The following PROSER2 variants were observed in gnomAD, a reference collection of about 807,000 sequenced individuals.
PROSER2 encodes proline and serine rich 2, also known as proline and serine-rich protein 2.
A neutral mutation model predicts 14.6 loss-of-function variants in PROSER2; 18 were observed. The observed-to-expected ratio is 1.23, with a 90% CI of 0.85 to 1.83. PROSER2 has a LOEUF of 1.83. Among genes scored for constraint, PROSER2 ranks in the 40% most tolerant of loss-of-function variants. The probability of loss-of-function intolerance (pLI) is 0.00; values close to 1 mark genes in which losing one functional copy is unlikely to be tolerated. For synonymous variants in PROSER2, 367 were observed against 286.4 expected (o/e 1.28, Z -2.84); for missense variants, 823 against 629.8 (o/e 1.31, Z -3.28).
chr10:11,831,910 T>C (rs1034982321), intron 1 of PROSER2: 1 of 152,168 alleles, frequency 6.6e-6, no homozygotes, highest in Admixed American at 6.5e-5. Flanking sequence ...AAATCACTGC[T>C]CCTATTAACA....
intron 1 of PROSER2, among the ~76,000 whole-genome samples, chr10:11,839,087 T>G (rs1833800087): frequency 6.6e-6 from 1 of 152,136 alleles, no homozygotes; most frequent in African/African-American, 2.4e-5. Context: ...CATATAAACA[T>G]TTAGTACAAA....
At chr10:11,832,364 A>G (rs1373442645) in intron 1 of PROSER2, among the ~76,000 whole-genome samples, 1 of 152,212 alleles carries the variant, frequency 6.6e-6, no homozygotes, top group Admixed American at 6.5e-5. Context: ...AGCGCAGACT[A>G]AAGAGTAGTT....
intron 2 of PROSER2, among the ~76,000 whole-genome samples, chr10:11,852,859 C>T (rs942369430): frequency 2.0e-5 from 3 of 149,522 alleles, no homozygotes; most frequent in African/African-American, 7.3e-5. Context: ...AGCCACCGCG[C>T]CCGGCCACTC....
intron 3 of PROSER2, among the ~76,000 whole-genome samples, chr10:11,868,553 G>A (rs1640506050): frequency 1.3e-5 from 2 of 152,198 alleles, no homozygotes; most frequent in South Asian, 4.1e-4. Context: ...ACAGGTGTGA[G>A]CCACCACACC....
At chr10:11,843,493 C>T (rs760168605) in intron 1 of PROSER2, among the ~76,000 whole-genome samples, 25 of 151,890 alleles carry the variant, frequency 1.6e-4, no homozygotes, top group Non-Finnish European at 3.4e-4. Context: ...CGAGACCATC[C>T]TGGCCAACAT....
chr10:11,850,305 C>G (rs1051362039), intron 1 of PROSER2: 2 of 152,350 alleles, frequency 1.3e-5, no homozygotes, highest in Non-Finnish European at 2.9e-5. Context: ...CGCTGATTAA[C>G]ACAATGTGGC....
In PROSER2 at chr10:11,866,581, GT is replaced by G; in HGVS notation, c.195del (p.Phe65LeufsTer8). On this transcript the variant is annotated frameshift_variant, in exon 3 of 4. Transcript: ENST00000277570. LOFTEE classifies it high-confidence loss of function. The surrounding 1 kb of genome is among the most constrained non-coding windows in gnomAD (Gnocchi z 6.0). ...LTHEEKDVLL[F>X]FEETIDSLDE... ...CCCATGAGGAAAAGGATGTGCTCCT[GT>G]TTTTTGAAGAGACGATTGACTCCCT... 1 of 1,614,192 alleles carries G rather than the reference GT, an allele frequency of 6.2e-7. No individual in the cohort carries two copies.
intron 1 of PROSER2, among the ~76,000 whole-genome samples, chr10:11,842,452 T>C (rs1833857925): frequency 6.6e-6 from 1 of 152,040 alleles, no homozygotes; most frequent in African/African-American, 2.4e-5. Context: ...TTTAGTGGTT[T>C]CTCTAGAAAT....
In PROSER2 at chr10:11,866,656, C is replaced by T; in HGVS notation, c.264C>T (p.Cys88=). 1 of 1,614,166 alleles carries T rather than the reference C, an allele frequency of 6.2e-7. No homozygotes were observed. The highest frequency in any genetic ancestry group is 1.7e-5 in the Admixed American group (1 of 60,022). ...EPVLCDGGVC[C]LCSPSLEEST... ...TGCTGTGCGATGGAGGAGTGTGCTG[C>T]CTCTGCTCCCCGTCTCTGGAGGAGA... The change falls in exon 3 of 4, where the codon TGC becomes TGT. Residue 88 remains cysteine, a synonymous_variant. Coordinates refer to ENST00000277570, the MANE Select transcript of PROSER2 (RefSeq NM_153256.4). The surrounding 1 kb of genome is among the most constrained non-coding windows in gnomAD (Gnocchi z 6.0).
At position 11,863,820 on chromosome 10, in the gene PROSER2, C is replaced by G. The variant is rs1421249222; in HGVS notation, c.139-2711C>G. Among the ~76,000 whole-genome samples, 13 of 149,954 alleles carry G rather than the reference C, an allele frequency of 8.7e-5. No individual in the cohort carries two copies. In the Admixed American group the frequency reaches 8.7e-4, roughly 10 times the overall value. On this transcript the variant is annotated intron_variant, in intron 2 of 3. Coordinates refer to ENST00000277570, the MANE Select transcript of PROSER2 (RefSeq NM_153256.4). ...GTGTCGGTGTGTATGTTGCTGTGCA[C>G]AGATGATAGATAAATGCTTTCTCTC...
At chr10:11,868,557 C>T (rs1368676720) in intron 3 of PROSER2, among the ~76,000 whole-genome samples, 1 of 152,212 alleles carries the variant, frequency 6.6e-6, no homozygotes, top group Non-Finnish European at 1.5e-5. Context: ...GTGTGAGCCA[C>T]CACACCTGGC....
rs1834117807 is a variant in PROSER2, at chr10:11,856,047, A to G, written c.138+3832A>G. Among the ~76,000 whole-genome samples the G allele has an allele frequency of 6.6e-6, 1 of 152,186 alleles. No individual in the cohort carries two copies. Among genetic ancestry groups the G allele is most frequent in the Non-Finnish European group, 1.5e-5 (1 of 68,026 alleles). On this transcript the variant is annotated intron_variant, in intron 2 of 3. Coordinates refer to ENST00000277570, the MANE Select transcript of PROSER2 (RefSeq NM_153256.4). This position sits in a 1 kb window ranked among gnomAD's most constrained non-coding sequence, Gnocchi z 5.3. The stretch of plus-strand genomic sequence containing the variant: ...ATGTGGCTACAAAGGCATCCCTTGA[A>G]TTATGTCTTTTCATTTGAAACATAA...
intron 1 of PROSER2, among the ~76,000 whole-genome samples, chr10:11,846,262 C>CA (rs1038442487): frequency 7.3e-4 from 111 of 152,308 alleles, no homozygotes; most frequent in African/African-American, 2.6e-3. Context: ...GCTGGGATTA[C>CA]AGGTGTGAGC....
intron 1 of PROSER2, among the ~76,000 whole-genome samples, chr10:11,844,805 A>G (rs1833900193): frequency 6.6e-6 from 1 of 152,132 alleles, no homozygotes; most frequent in African/African-American, 2.4e-5. Context: ...TGTTTTTACT[A>G]GAGACAGGGT....
At chr10:11,840,955 A>AAAAATATAT (rs1833836460) in intron 1 of PROSER2, among the ~76,000 whole-genome samples, 1 of 18,886 alleles carries the variant, frequency 5.3e-5, no homozygotes, top group African/African-American at 2.1e-4. Context: ...AAAAAAAAAA[A>AAAAATATAT]ATATATATAT....
chr10:11,855,151 T>G (rs968669015), intron 2 of PROSER2, among the ~76,000 whole-genome samples: 26 of 151,338 alleles, frequency 1.7e-4, no homozygotes, highest in Admixed American at 6.6e-4. Context: ...TTTTTTGTTT[T>G]TTTTTTTTTT....
Position 11,870,247 on chromosome 10 carries a change from C to T in PROSER2, c.1149C>T (p.Phe383=). 2 of 1,487,394 alleles carry T rather than the reference C, an allele frequency of 1.3e-6. No homozygotes were observed. The highest frequency in any genetic ancestry group is 1.3e-5 in the South Asian group (1 of 79,634). 92.1% of individuals were successfully genotyped at this position (1,487,394 alleles called of 1,614,324 possible). ...ALPSTRARQS[F]PGPRQPNGAQ... is the part of the protein sequence containing the mutation. Reference sequence around the variant, plus strand: ...CCAGCACGCGGGCCCGTCAGAGCTTCCCCGGGCCCCGGCAGCCCAACGGCG... The same window carrying T: ...CCAGCACGCGGGCCCGTCAGAGCTTTCCCGGGCCCCGGCAGCCCAACGGCG... Residue 383 remains phenylalanine, a synonymous_variant, in exon 4 of 4, where the codon TTC becomes TTT. Transcript: ENST00000277570.
rs1197667828 is a variant in PROSER2 at position 11,866,345 on chromosome 10, C to CG, written c.139-184dup. On this transcript the variant is annotated intron_variant, in intron 2 of 3. Coordinates refer to ENST00000277570, the MANE Select transcript of PROSER2 (RefSeq NM_153256.4). This position sits in a 1 kb window ranked among gnomAD's most constrained non-coding sequence, Gnocchi z 6.0. ...AGGCTCTGTTGTTTGCTCTGCCTTT[C>CG]GGAACACGTTCTCTTCCATCTGGGT... Among the ~76,000 whole-genome samples, 4 of 152,120 alleles carry CG rather than the reference C, an allele frequency of 2.6e-5. No individual in the cohort carries two copies. Among genetic ancestry groups the CG allele is most frequent in the Admixed American group, 1.3e-4 (2 of 15,276 alleles).
At chr10:11,833,409 G>C (rs546393397) in intron 1 of PROSER2, among the ~76,000 whole-genome samples, 1 of 151,460 alleles carries the variant, frequency 6.6e-6, no homozygotes, top group Non-Finnish European at 1.5e-5. Context: ...AAGCTTTGCC[G>C]GCTGGGTGTG....
Sources: allele counts gnomAD v4.1 joint callset (sites outside exome capture counted in the v4.1 genomes callset), GRCh38; gene constraint gnomAD v4.1.1; non-coding constraint Gnocchi (gnomAD v3.1); transcripts MANE v1.5; gene names NCBI Gene and HGNC (gene_info 2026-07-23, HGNC 2026-07-21).